The following ARHGEF9 variants were observed in gnomAD, a reference collection of about 807,000 sequenced individuals.
The protein encoded by ARHGEF9 is rho guanine nucleotide exchange factor 9.
In ARHGEF9, 2 loss-of-function variants were observed where a neutral mutation model predicts 41.3. The observed-to-expected ratio is 0.05, with a 90% confidence interval of 0.02 to 0.15. The LOEUF (loss-of-function observed/expected upper bound fraction) is 0.15, where lower values mean the gene tolerates loss of function less well. ARHGEF9 is among the 10% of genes least tolerant of loss of function. The pLI is 1.00. For missense variants in ARHGEF9, 225 were observed against 424.7 expected, an observed-to-expected ratio of 0.53 and a Z score of 4.13; for synonymous variants, 160 against 154.4, an observed-to-expected ratio of 1.04 and a Z score of -0.27.
chrX:63,641,833 T>A (rs1257197666), intron 9 of ARHGEF9: 1 of 111,512 alleles, frequency 9.0e-6, no homozygotes, highest in Non-Finnish European at 1.9e-5. Context: ...CCATGCTCAA[T>A]CTGGATGGGC....
chrX:63,747,312 T>A (rs2055334862), intron 1 of ARHGEF9, among the ~76,000 whole-genome samples: 1 of 111,865 alleles, frequency 8.9e-6, no homozygotes, highest in South Asian at 3.8e-4. Context: ...ACTTTTTTTT[T>A]ATTCCTGAAG....
intron 3 of ARHGEF9, 111 bp from the exon 4 acceptor site, chrX:63,697,415 A>C: frequency 1.5e-6 from 1 of 672,358 alleles, no homozygotes; most frequent in Non-Finnish European, 2.3e-6. Flanking sequence ...GGCATGGAAT[A>C]ATTATTTTCA....
chrX:63,682,281 G>A (rs1341692834), intron 4 of ARHGEF9, among the ~76,000 whole-genome samples: 4 of 111,227 alleles, frequency 3.6e-5, no homozygotes, highest in Non-Finnish European at 7.6e-5. Flanking sequence ...TTGGGAGGCC[G>A]AGGTGGGCAG....
chrX:63,771,546 G>A (rs533463650), intron 1 of ARHGEF9, among the ~76,000 whole-genome samples: 1 of 110,836 alleles, frequency 9.0e-6, no homozygotes, highest in South Asian at 3.9e-4. Context: ...CATAATGTAG[G>A]TGGGCTTCAT....
intron 7 of ARHGEF9, among the ~76,000 whole-genome samples, chrX:63,662,000 C>G (rs1333902550): frequency 1.8e-5 from 2 of 111,875 alleles, no homozygotes; most frequent in Non-Finnish European, 3.8e-5. Flanking sequence ...ACATAATAAT[C>G]TAGCCCATAT....
chrX:63,686,321 C>T (rs1157046407), intron 4 of ARHGEF9, among the ~76,000 whole-genome samples: 1 of 111,073 alleles, frequency 9.0e-6, no homozygotes, highest in East Asian at 2.8e-4. Context: ...AAAATTTGAA[C>T]ACATGGAGGT....
intron 2 of ARHGEF9, chrX:63,709,141 C>T (rs1233976733): frequency 8.9e-6 from 1 of 112,146 alleles, no homozygotes. Flanking sequence ...TGTACCTTTT[C>T]TTCATTGATG....
chrX:63,741,313 C>T (rs782125213), intron 1 of ARHGEF9, among the ~76,000 whole-genome samples: 1 of 112,292 alleles, frequency 8.9e-6, no homozygotes, highest in Admixed American at 9.4e-5. Flanking sequence ...ACAAAACATG[C>T]CATCTTGAAC....
intron 1 of ARHGEF9, among the ~76,000 whole-genome samples, chrX:63,782,901 G>A (rs1458709514): frequency 1.8e-5 from 2 of 112,645 alleles, no homozygotes; most frequent in African/African-American, 3.2e-5. Flanking sequence ...TTAGTGGCAA[G>A]GCCAAAACTT....
chrX:63,718,857 A>G (rs1336146711), intron 2 of ARHGEF9, among the ~76,000 whole-genome samples: 2 of 111,650 alleles, frequency 1.8e-5, no homozygotes, highest in Non-Finnish European at 3.8e-5. Context: ...ATGACTCTCA[A>G]GGTTGCTTTC....
chrX:63,644,762 ATT>A lies in ARHGEF9; in HGVS notation c.1322-716_1322-715del, dbSNP rs782795423. Among the ~76,000 whole-genome samples the A allele has an allele frequency of 8.1e-3, 798 of 98,254 alleles. 3 individuals are homozygous for A. The highest frequency in any genetic ancestry group is 0.028 in the African/African-American group (755 of 26,757). 85.3% of individuals were successfully genotyped at this position (98,254 alleles called of 115,157 possible). A position where few individuals can be genotyped will look rare whatever the true frequency, so the allele number is the denominator to read the frequency against. On this transcript the variant is annotated intron_variant, in intron 8 of 9. Transcript: ENST00000671741. ...GGAATCGCCTTCTATTATTATTATT[ATT>A]TTTTTTTTTTTTGGAGGCAAGGTTT...
intron 6 of ARHGEF9, chrX:63,670,325 G>A (rs1466984617): frequency 9.0e-6 from 1 of 111,586 alleles, no homozygotes; most frequent in African/African-American, 3.3e-5. Flanking sequence ...TAGCTTTTAA[G>A]TAGATGCTTT....
In ARHGEF9 at chrX:63,658,116, G is replaced by T. The variant is rs1335373833; in HGVS notation, c.1078-2379C>A. 6.2e-5 allele frequency: 7 copies of T among 112,100 alleles called. No homozygotes were observed. The East Asian group carries it at 2.0e-3, about 31-fold the overall frequency. 9.2% of individuals were successfully genotyped at this position (112,100 alleles called of 1,213,427 possible). ...GCATGATCTTGGAGCTACATTAAAAGCATCAATTGAATCTCCTATTGTTTC... is the reference window on the plus strand; with the variant it reads ...GCATGATCTTGGAGCTACATTAAAATCATCAATTGAATCTCCTATTGTTTC... On this transcript the variant is annotated intron_variant, in intron 7 of 9. Coordinates refer to ENST00000671741, the MANE Select transcript of ARHGEF9 (RefSeq NM_001353921.2).
Position 63,766,849 on chromosome X carries a change from C to A in ARHGEF9, c.30+18267G>T, listed in dbSNP as rs782582062. ...CCTGATCACCAACCCTAGTCCCCCA[C>A]GCGGCCCCTCATCCACTCCGACAAG... On this transcript the variant is annotated intron_variant, in intron 1 of 9. Transcript: ENST00000671741. The A allele has an allele frequency of 2.3e-5, 7 of 309,045 alleles. No individual in the cohort carries two copies. The South Asian group carries it at 2.3e-4, about 10-fold the overall frequency. 25.5% of individuals were successfully genotyped at this position (309,045 alleles called of 1,213,427 possible). A position where few individuals can be genotyped will look rare whatever the true frequency, so the allele number is the denominator to read the frequency against.
At chrX:63,774,465 T>C (rs1214763032) in intron 1 of ARHGEF9, among the ~76,000 whole-genome samples, 3 of 112,076 alleles carry the variant, frequency 2.7e-5, no homozygotes, top group African/African-American at 9.7e-5. Context: ...TGTTTCATCA[T>C]GTATCCTTTC....
chrX:63,671,353 G>A (rs1354885099), intron 6 of ARHGEF9: 4 of 112,087 alleles, frequency 3.6e-5, no homozygotes, highest in African/African-American at 1.3e-4. Flanking sequence ...GAGCATCCAT[G>A]TCTCATTGCT....
At chrX:63,775,182 G>T (rs1556457460) in intron 1 of ARHGEF9, among the ~76,000 whole-genome samples, 1 of 112,147 alleles carries the variant, frequency 8.9e-6, no homozygotes, top group African/African-American at 3.2e-5. Flanking sequence ...ATAACAAATG[G>T]CTGATGAGGT....
chrX:63,654,708 C>T (rs1483903428), intron 8 of ARHGEF9, among the ~76,000 whole-genome samples: 1 of 111,623 alleles, frequency 9.0e-6, no homozygotes, highest in Non-Finnish European at 1.9e-5. Context: ...TTCTAAAGTA[C>T]AATTTCACTC....
intron 7 of ARHGEF9, among the ~76,000 whole-genome samples, chrX:63,663,024 G>T (rs2049311650): frequency 9.0e-6 from 1 of 111,525 alleles, no homozygotes; most frequent in African/African-American, 3.3e-5. Context: ...TGTTAGACTA[G>T]AATCCTTATG....
Sources: gnomAD v4.1 joint callset for allele counts (sites outside exome capture counted in the v4.1 genomes callset) on GRCh38, gnomAD v4.1.1 for gene constraint, MANE v1.5 for transcripts, NCBI Gene and HGNC (gene_info 2026-07-23, HGNC 2026-07-21) for gene names.